KCNQ2: variants seen among roughly 807,000 people sequenced by gnomAD.
KCNQ2 encodes potassium voltage-gated channel subfamily Q member 2.
KCNQ2 carries 14 observed loss-of-function variants against 84.8 expected under a neutral mutation model. That is an observed-to-expected ratio of 0.17 (90% CI 0.11 to 0.26). The LOEUF (loss-of-function observed/expected upper bound fraction) is 0.26. Ranked by LOEUF, KCNQ2 falls within the 10% of genes least tolerant of loss-of-function variation. KCNQ2 has a pLI of 1.00. For synonymous variants in KCNQ2, 599 were observed against 554.1 expected (o/e 1.08, Z -1.14); for missense variants, 788 against 1,254.0 (o/e 0.63, Z 5.61).
intron 11 of KCNQ2, chr20:63,422,202 AG>A (rs1251096672): frequency 6.5e-6 from 1 of 153,222 alleles, no homozygotes; most frequent in Non-Finnish European, 1.5e-5. Context: ...CAAGCTTCGC[AG>A]AGCAGGCCCC....
intron 12 of KCNQ2, 99 bp downstream of exon 12, chr20:63,419,520 C>T (rs2080401587): frequency 2.4e-6 from 3 of 1,256,250 alleles, no homozygotes; most frequent in Non-Finnish European, 1.1e-6. Context: ...GGGGTTGGGG[C>T]GCCAGCCTCC....
intron 11 of KCNQ2, among the ~76,000 whole-genome samples, chr20:63,420,296 C>T (rs1268628479): frequency 2.0e-5 from 3 of 152,250 alleles, no homozygotes; most frequent in South Asian, 2.1e-4. Flanking sequence ...CGCAGCTCCC[C>T]GCCGGGGCGT....
intron 15 of KCNQ2, chr20:63,411,753 G>T: frequency 1.7e-6 from 1 of 592,748 alleles, no homozygotes; most frequent in Non-Finnish European, 3.1e-6. Flanking sequence ...CAGACACGTC[G>T]GAGAGGCGCT....
chr20:63,415,471 G>A (rs1392375745), intron 12 of KCNQ2, among the ~76,000 whole-genome samples: 50 of 140,446 alleles, frequency 3.6e-4, no homozygotes, highest in Admixed American at 3.4e-3. Context: ...AGCACCCGGC[G>A]GGAGGGAGGG....
Position 63,446,342 on chromosome 20 carries a change from ACCC to A in KCNQ2, c.387+402_387+404del. 3.4e-6 allele frequency: 1 copy of A among 292,200 alleles called. No individual in the cohort carries two copies. The highest frequency in any genetic ancestry group is 6.6e-6 in the Non-Finnish European group (1 of 151,008). 18.1% of individuals were successfully genotyped at this position (292,200 alleles called of 1,614,324 possible). ...CTGCACTCCCGTTGCCATGGCGCCC[ACCC>A]TGCCCTGGCACAGGGTTGCTGCAAG... is the stretch of plus-strand genomic sequence containing the variant. On this transcript the variant is annotated intron_variant, in intron 2 of 16. Coordinates refer to ENST00000359125, the MANE Select transcript of KCNQ2 (RefSeq NM_172107.4). The surrounding 1 kb of genome is among the most constrained non-coding windows in gnomAD (Gnocchi z 5.5).
chr20:63,443,121 C>G, intron 4 of KCNQ2, among the ~76,000 whole-genome samples: 1 of 45,626 alleles, frequency 2.2e-5, no homozygotes, highest in Non-Finnish European at 5.1e-5. Context: ...CCACCACTAT[C>G]ACCACCACCA....
chr20:63,444,619 G>C, intron 4 of KCNQ2, 40 bp downstream of exon 4: 1 of 1,484,806 alleles, frequency 6.7e-7, no homozygotes, highest in Non-Finnish European at 9.0e-7. Context: ...ACTCTCGCTG[G>C]CTGGGGGCGC....
chr20:63,410,899 A>G (rs545004309), intron 15 of KCNQ2: 2 of 404,640 alleles, frequency 4.9e-6, no homozygotes, highest in Non-Finnish European at 9.9e-6. Flanking sequence ...CCTCCGCCCC[A>G]GGGGCTCTAC....
chr20:63,454,577 C>T (rs1031848997), intron 1 of KCNQ2, among the ~76,000 whole-genome samples: 1 of 152,228 alleles, frequency 6.6e-6, no homozygotes, highest in Non-Finnish European at 1.5e-5. Context: ...GCCAGCCATC[C>T]GGTCGGCCGA....
chr20:63,445,199 G>A (rs1456342477), intron 3 of KCNQ2, 39 bp downstream of exon 3: 1 of 1,613,614 alleles, frequency 6.2e-7, no homozygotes, highest in South Asian at 1.1e-5. Flanking sequence ...CTGGGTGCCT[G>A]GCCCTGATTC....
At position 63,401,705 on chromosome 20, in the gene KCNQ2, C is replaced by T. The variant is rs1425560282; in HGVS notation, c.*4939G>A. 2.4e-5 allele frequency: 4 copies of T among 168,258 alleles called. No individual in the cohort carries two copies. The highest frequency in any genetic ancestry group is 1.2e-4 in the South Asian group (1 of 8,258). The allele number at this position is 168,258 out of a possible 1,614,324, so 10.4% of individuals were successfully genotyped here. On this transcript the variant is annotated 3_prime_UTR_variant, in exon 17 of 17. Coordinates refer to ENST00000359125, the MANE Select transcript of KCNQ2 (RefSeq NM_172107.4). ...TGGGTGTGGGGGTTGGGGGAGGCAC[C>T]GGACAGGATCAGAGGACACTGGGGG...
chr20:63,408,476 C>T lies in KCNQ2; in HGVS notation c.1824G>A (p.Pro608=), dbSNP rs146699929. The change falls in exon 16 of 17, where the codon CCG becomes CCA. Residue 608 remains proline (P), a synonymous_variant. Coordinates refer to ENST00000359125, the MANE Select transcript of KCNQ2 (RefSeq NM_172107.4). The surrounding 1 kb of genome is among the most constrained non-coding windows in gnomAD (Gnocchi z 5.0). ...AITDKDRTKG[P]AEAELPEDPS... Reference sequence around the variant, plus strand: ...GGTCCTCGGGCAGCTCCGCCTCGGCCGGGCCCTTGGTGCGGTCCTTGTCCG... The same window carrying T: ...GGTCCTCGGGCAGCTCCGCCTCGGCTGGGCCCTTGGTGCGGTCCTTGTCCG... 9 of 1,607,800 alleles carry T rather than the reference C, an allele frequency of 5.6e-6. No homozygotes were observed. In the African/African-American group the frequency reaches 6.7e-5, roughly 12 times the overall value.
rs757288108 is a variant in KCNQ2 at position 63,428,420 on chromosome 20, C to T, written c.1164G>A (p.Leu388=). Residue 388 remains leucine (L), a synonymous_variant, in exon 10 of 17, where the codon CTG becomes CTA. Coordinates refer to ENST00000359125, the MANE Select transcript of KCNQ2 (RefSeq NM_172107.4). ...TYGASRLIPP[L]NQLELLRNLK... is the part of the protein sequence containing the mutation. The stretch of plus-strand genomic sequence containing the variant: ...GGTTCCTCAGCAGCTCCAGCTGGTT[C>T]AGCGGGGGGATAAGTCTGGGGCAAG... 11 of 1,590,040 alleles carry T rather than the reference C, an allele frequency of 6.9e-6. No homozygotes were observed. The highest frequency in any genetic ancestry group is 9.4e-6 in the Non-Finnish European group (11 of 1,168,844).
intron 1 of KCNQ2, among the ~76,000 whole-genome samples, chr20:63,469,087 C>T (rs2082148046): frequency 6.6e-6 from 1 of 152,236 alleles, no homozygotes; most frequent in Admixed American, 6.5e-5. Flanking sequence ...CGTGGTGGAG[C>T]AGTGCCCGGC....
At position 63,424,616 on chromosome 20, in the gene KCNQ2, C is replaced by T. The variant is rs151199215; in HGVS notation, c.1218-410G>A. The T allele has an allele frequency of 2.7e-4, 57 of 208,400 alleles. 1 individual carries two copies. Among genetic ancestry groups the T allele is most frequent in the Middle Eastern group, 1.7e-3 (1 of 584 alleles). The allele number at this position is 208,400 out of a possible 1,614,324, so 12.9% of individuals were successfully genotyped here. The stretch of plus-strand genomic sequence containing the variant: ...ATTTTCGAGACAGAGTGAGCTGCTC[C>T]GACTCTTTTTTCCACGCTCATCCTA... On this transcript the variant is annotated intron_variant, in intron 10 of 16. Transcript: ENST00000359125.
intron 11 of KCNQ2, among the ~76,000 whole-genome samples, chr20:63,421,874 C>T (rs1191240795): frequency 6.6e-6 from 1 of 152,228 alleles, no homozygotes; most frequent in East Asian, 1.9e-4. Flanking sequence ...TGCCTGGCTC[C>T]CCACCCGACC....
intron 11 of KCNQ2, 58 bp downstream of exon 11, chr20:63,424,119 G>C (rs887455397): frequency 1.3e-6 from 2 of 1,540,718 alleles, no homozygotes; most frequent in South Asian, 2.4e-5. Flanking sequence ...ACGTGTGGGA[G>C]AGAGACCAGA....
chr20:63,443,088 TATC>T (rs2081273862), intron 4 of KCNQ2, among the ~76,000 whole-genome samples: 1 of 10,406 alleles, frequency 9.6e-5, no homozygotes. Flanking sequence ...CCACCACCAT[TATC>T]ACCACCATCA....
At chr20:63,445,202 CCT>C (rs759718488) in intron 3 of KCNQ2, 34 bp downstream of exon 3, 1 of 1,613,742 alleles carries the variant, frequency 6.2e-7, no homozygotes, top group South Asian at 1.1e-5. Flanking sequence ...GGTGCCTGGC[CCT>C]GATTCTAGCA....
Sources: gnomAD v4.1 joint callset for allele counts (sites outside exome capture counted in the v4.1 genomes callset) on GRCh38, gnomAD v4.1.1 for gene constraint, Gnocchi (gnomAD v3.1) non-coding constraint, MANE v1.5 for transcripts, NCBI Gene and HGNC (gene_info 2026-07-23, HGNC 2026-07-21) for gene names.